Variants in RASA1 observed in about 807,000 individuals in gnomAD.
The protein encoded by RASA1 is ras GTPase-activating protein 1.
In RASA1, 25 loss-of-function variants were observed where a neutral mutation model predicts 132.2. That is an observed-to-expected ratio of 0.19 (90% CI 0.14 to 0.26). RASA1 has a LOEUF of 0.26. RASA1 is among the 10% of genes least tolerant of loss of function. RASA1 has a pLI of 1.00. For missense variants in RASA1, 964 were observed against 1,299.2 expected (o/e 0.74, Z 3.97); for synonymous variants, 477 against 449.9 (o/e 1.06, Z -0.76).
intron 1 of RASA1, among the ~76,000 whole-genome samples, chr5:87,298,593 T>A (rs1209410232): frequency 6.6e-6 from 1 of 152,012 alleles, no homozygotes. Context: ...TTAAAGGGAG[T>A]AGTTTTTTCA....
chr5:87,390,754 C>A, intron 24 of RASA1, 46 bp from the exon 25 acceptor site: 1 of 1,514,792 alleles, frequency 6.6e-7, no homozygotes, highest in African/African-American at 1.4e-5. Flanking sequence ...CCTGAAATTG[C>A]TGACCGAGCT....
At chr5:87,389,670 C>A in intron 24 of RASA1, 143 bp downstream of exon 24, 2 of 1,146,756 alleles carry the variant, frequency 1.7e-6, no homozygotes, top group Non-Finnish European at 2.5e-6. Context: ...AAGATCTCAG[C>A]AGACAGAAAT....
intron 11 of RASA1, among the ~76,000 whole-genome samples, chr5:87,364,746 A>G (rs1760378311): frequency 6.6e-6 from 1 of 152,132 alleles, no homozygotes; most frequent in Non-Finnish European, 1.5e-5. Flanking sequence ...CAAGGTAGCA[A>G]ACAGCACCAG....
At position 87,386,919 on chromosome 5, in the gene RASA1, T is replaced by C. The variant is rs1762100646; in HGVS notation, c.2925+16T>C. Reference sequence around the variant, plus strand: ...TGAACTTGGGGTATGTATATAGTTTTCAGGTACTTTTTTTAAGACTTCTAG... The same window carrying C: ...TGAACTTGGGGTATGTATATAGTTTCCAGGTACTTTTTTTAAGACTTCTAG... On this transcript the variant is annotated intron_variant, in intron 23 of 24. Transcript: ENST00000274376. 6.3e-7 allele frequency: 1 copy of C among 1,599,444 alleles called. No individual in the cohort carries two copies. Among genetic ancestry groups the C allele is most frequent in the Non-Finnish European group, 8.6e-7 (1 of 1,168,370 alleles).
At chr5:87,300,527 A>G (rs1755315707) in intron 1 of RASA1, among the ~76,000 whole-genome samples, 1 of 152,178 alleles carries the variant, frequency 6.6e-6, no homozygotes, top group Non-Finnish European at 1.5e-5. Flanking sequence ...AAAGAGTTAG[A>G]TGGATTACAA....
rs113631524 is a variant in RASA1 at position 87,349,386 on chromosome 5, A to G, written c.1253+22A>G. Reference sequence around the variant, plus strand: ...ACAGGTAAATCATAATTTTTTAGCTATCTTTTACTTTTCGCAAAAATAGTT... The same window carrying G: ...ACAGGTAAATCATAATTTTTTAGCTGTCTTTTACTTTTCGCAAAAATAGTT... On this transcript the variant is annotated intron_variant, in intron 8 of 24. Coordinates refer to ENST00000274376, the MANE Select transcript of RASA1 (RefSeq NM_002890.3). The G allele has an allele frequency of 5.4e-5, 87 of 1,610,240 alleles. 5 individuals carry two copies. The highest frequency in any genetic ancestry group is 4.7e-4 in the African/African-American group (35 of 74,884).
At position 87,385,322 on chromosome 5, in the gene RASA1, C is replaced by A; in HGVS notation, c.2780C>A (p.Ala927Glu). 6.2e-7 allele frequency: 1 copy of A among 1,610,672 alleles called. No individual in the cohort carries two copies. The highest frequency in any genetic ancestry group is 8.5e-7 in the Non-Finnish European group (1 of 1,177,216). ...ACAGATTCTCCATCTCCTATTGCTGCAAGAACACTGATATTAGTGGCTAAA... is the reference window on the plus strand; with the variant it reads ...ACAGATTCTCCATCTCCTATTGCTGAAAGAACACTGATATTAGTGGCTAAA... ...IISDSPSPIA[A>E]RTLILVAKSV... The change falls in exon 22 of 25, where the codon GCA becomes GAA. Residue 927 changes from alanine to glutamate, a missense_variant. This residue lies in a region of RASA1 where 107 missense variants were observed against 163.8 expected (regional missense o/e 0.65). Coordinates refer to ENST00000274376, the MANE Select transcript of RASA1 (RefSeq NM_002890.3).
chr5:87,329,867 G>A (rs919790291), intron 1 of RASA1, among the ~76,000 whole-genome samples: 4 of 152,012 alleles, frequency 2.6e-5, no homozygotes, highest in East Asian at 1.9e-4. Flanking sequence ...CTCTTATGTC[G>A]TTAAATTATA....
Position 87,331,144 on chromosome 5 carries a change from G to A in RASA1, c.540-204G>A. ...TGAGATGACTAGGACTGAGCTTTTA[G>A]AACAAATTAAAGACCAAGTAAATGA... On this transcript the variant is annotated intron_variant, in intron 1 of 24. Transcript: ENST00000274376. The A allele has an allele frequency of 2.3e-6, 2 of 877,410 alleles. 1 individual carries two copies. Among genetic ancestry groups the A allele is most frequent in the East Asian group, 5.1e-5 (2 of 39,396 alleles). 54.4% of individuals were successfully genotyped at this position (877,410 alleles called of 1,614,324 possible).
At chr5:87,367,877 C>G (rs1760641745) in intron 11 of RASA1, among the ~76,000 whole-genome samples, 1 of 151,846 alleles carries the variant, frequency 6.6e-6, no homozygotes, top group Admixed American at 6.6e-5. Flanking sequence ...TTTGTCTTTT[C>G]TCTTAGAGGT....
chr5:87,388,761 T>C (rs771881951), intron 23 of RASA1, among the ~76,000 whole-genome samples: 5 of 152,204 alleles, frequency 3.3e-5, no homozygotes, highest in Non-Finnish European at 5.9e-5. Context: ...TTCCTACTTA[T>C]ATGCATTATC....
At chr5:87,289,801 G>T (rs755369724) in intron 1 of RASA1, among the ~76,000 whole-genome samples, 47 of 152,124 alleles carry the variant, frequency 3.1e-4, no homozygotes, top group South Asian at 1.5e-3. Context: ...GTATAGACAG[G>T]TTCTCACCAA....
chr5:87,383,844 A>G, intron 21 of RASA1, 64 bp downstream of exon 21: 1 of 1,372,968 alleles, frequency 7.3e-7, no homozygotes, highest in Non-Finnish European at 1.0e-6. Flanking sequence ...ATACTATTTA[A>G]GAATACTCTT....
At chr5:87,334,778 A>G (rs1757845688) in intron 4 of RASA1, among the ~76,000 whole-genome samples, 1 of 152,264 alleles carries the variant, frequency 6.6e-6, no homozygotes, top group Non-Finnish European at 1.5e-5. Context: ...GTGACTACAC[A>G]ACTTTAATCT....
chr5:87,319,446 G>C (rs1464238270), intron 1 of RASA1, among the ~76,000 whole-genome samples: 4 of 152,230 alleles, frequency 2.6e-5, no homozygotes, highest in Admixed American at 6.5e-5. Context: ...TCAAGGTGGA[G>C]GCTCCCAAAC....
At chr5:87,380,366 A>G (rs1201100584) in intron 19 of RASA1, 143 bp from the exon 20 acceptor site, 2 of 751,770 alleles carry the variant, frequency 2.7e-6, no homozygotes, top group Admixed American at 3.9e-5. Context: ...TAAATGCCTC[A>G]TTACCTGTGG....
At position 87,383,859 on chromosome 5, in the gene RASA1, C is replaced by CT. The variant is rs370865130; in HGVS notation, c.2758+93dup. 0.045 allele frequency: 39,582 copies of CT among 884,704 alleles called. 16 individuals are homozygous for CT. Among genetic ancestry groups the CT allele is most frequent in the South Asian group, 0.057 (3,317 of 58,642 alleles). The allele number at this position is 884,704 out of a possible 1,614,324, so 54.8% of individuals were successfully genotyped here. A position where few individuals can be genotyped will look rare whatever the true frequency, so the allele number is the denominator to read the frequency against. ...ATACTATTTAAGAATACTCTTAAAT[C>CT]TTTTTTTTTTTTTTGATCATCCAAT... On this transcript the variant is annotated intron_variant, in intron 21 of 24. Transcript: ENST00000274376.
chr5:87,322,357 G>A (rs555284908), intron 1 of RASA1, among the ~76,000 whole-genome samples: 25 of 152,298 alleles, frequency 1.6e-4, no homozygotes, highest in African/African-American at 6.0e-4. Context: ...AACTCCTCAC[G>A]TGAGGGATAT....
In RASA1 at chr5:87,287,868, C is replaced by A. The variant is rs1262617359; in HGVS notation, c.539+18878C>A. ...ATATATACACACACCATATATATAC[C>A]ATATATACACACACCATATATATAC... On this transcript the variant is annotated intron_variant, in intron 1 of 24. Coordinates refer to ENST00000274376, the MANE Select transcript of RASA1 (RefSeq NM_002890.3). 5.8e-5 allele frequency among the ~76,000 whole-genome samples: 7 copies of A among 120,178 alleles called. 1 individual carries two copies. The highest frequency in any genetic ancestry group is 7.0e-5 in the Non-Finnish European group (4 of 57,362). 78.8% of individuals were successfully genotyped at this position (120,178 alleles called of 152,430 possible). A position where few individuals can be genotyped will look rare whatever the true frequency, so the allele number is the denominator to read the frequency against.
Sources: gnomAD v4.1 joint callset for allele counts (sites outside exome capture counted in the v4.1 genomes callset) on GRCh38, gnomAD v4.1.1 for gene constraint, gnomAD v4.1.1 regional missense constraint, MANE v1.5 for transcripts, NCBI Gene and HGNC (gene_info 2026-07-23, HGNC 2026-07-21) for gene names.